Variants in LCLAT1 observed in about 807,000 individuals in gnomAD.
LCLAT1 encodes the protein lysocardiolipin acyltransferase 1, also known as 1-AGP acyltransferase 8.
LCLAT1 carries 11 observed loss-of-function variants against 30.7 expected under a neutral mutation model. The observed-to-expected ratio is 0.36, with a 90% CI of 0.23 to 0.59. The LOEUF (loss-of-function observed/expected upper bound fraction) is 0.59, where lower values mean the gene tolerates loss of function less well. Ranked by LOEUF, LCLAT1 falls within the 20% of genes least tolerant of loss-of-function variation. The pLI is 0.77. For missense variants in LCLAT1, 402 were observed against 458.6 expected (o/e 0.88, Z 1.13); for synonymous variants, 155 against 151.3 (o/e 1.02, Z -0.18).
At chr2:30,616,900 T>G (rs1008107638) in intron 5 of LCLAT1, among the ~76,000 whole-genome samples, 3 of 152,172 alleles carry the variant, frequency 2.0e-5, no homozygotes, top group East Asian at 3.8e-4. Context: ...AATAATGTTT[T>G]CTAACATTTT....
At chr2:30,604,778 T>C (rs929862345) in intron 5 of LCLAT1, among the ~76,000 whole-genome samples, 2 of 152,112 alleles carry the variant, frequency 1.3e-5, no homozygotes, top group South Asian at 2.1e-4. Flanking sequence ...ATTTGAAGGA[T>C]TGTTATCCAC....
At chr2:30,480,401 C>G (rs1159815872) in intron 1 of LCLAT1, among the ~76,000 whole-genome samples, 1 of 152,014 alleles carries the variant, frequency 6.6e-6, no homozygotes, top group East Asian at 1.9e-4. Flanking sequence ...TGCCATGTTA[C>G]CCAGGCTGGT....
intron 1 of LCLAT1, among the ~76,000 whole-genome samples, chr2:30,521,456 A>C (rs1685462017): frequency 6.8e-6 from 1 of 146,964 alleles, no homozygotes; most frequent in East Asian, 2.0e-4. Flanking sequence ...TAACTAGGAA[A>C]TAGAACAGTT....
At chr2:30,592,910 T>C (rs1210290220) in intron 5 of LCLAT1, among the ~76,000 whole-genome samples, 2 of 152,242 alleles carry the variant, frequency 1.3e-5, no homozygotes, top group South Asian at 2.1e-4. Flanking sequence ...AACATTTATC[T>C]TTTCACATTA....
At chr2:30,602,747 T>A (rs1667246515) in intron 5 of LCLAT1, among the ~76,000 whole-genome samples, 1 of 152,182 alleles carries the variant, frequency 6.6e-6, no homozygotes, top group East Asian at 1.9e-4. Flanking sequence ...GTGTAAAGTT[T>A]AAGCATCATG....
chr2:30,572,165 A>C (rs975459537), intron 5 of LCLAT1, among the ~76,000 whole-genome samples: 1 of 152,182 alleles, frequency 6.6e-6, no homozygotes, highest in Non-Finnish European at 1.5e-5. Flanking sequence ...TGTTCCTTTT[A>C]GTCACTGCCC....
chr2:30,596,623 C>G (rs1666941180), intron 5 of LCLAT1, among the ~76,000 whole-genome samples: 1 of 151,726 alleles, frequency 6.6e-6, no homozygotes, highest in Non-Finnish European at 1.5e-5. Flanking sequence ...GTTTCTTTTC[C>G]TGTGCTGAAG....
At chr2:30,625,297 T>C (rs1668450496) in intron 5 of LCLAT1, among the ~76,000 whole-genome samples, 1 of 152,164 alleles carries the variant, frequency 6.6e-6, no homozygotes, top group South Asian at 2.1e-4. Context: ...AACAAAAAGC[T>C]GGCTGTTTGC....
chr2:30,573,812 C>T (rs1665884567), intron 5 of LCLAT1, among the ~76,000 whole-genome samples: 1 of 152,138 alleles, frequency 6.6e-6, no homozygotes, highest in African/African-American at 2.4e-5. Context: ...AGCACAGGGC[C>T]TGGCAAATAA....
intron 3 of LCLAT1, among the ~76,000 whole-genome samples, chr2:30,559,978 T>G: frequency 6.6e-6 from 1 of 152,232 alleles, no homozygotes; most frequent in Non-Finnish European, 1.5e-5. Context: ...ACTGTTGCAT[T>G]GTGCTCATTT....
intron 3 of LCLAT1, among the ~76,000 whole-genome samples, chr2:30,546,675 T>A (rs541946391): frequency 1.3e-5 from 2 of 152,310 alleles, no homozygotes; most frequent in South Asian, 4.1e-4. Flanking sequence ...TACTATCACA[T>A]GTTAGCCACA....
intron 5 of LCLAT1, among the ~76,000 whole-genome samples, chr2:30,632,672 A>G (rs1033897984): frequency 2.0e-5 from 3 of 152,230 alleles, no homozygotes; most frequent in Non-Finnish European, 2.9e-5. Context: ...TGTGAAGAGT[A>G]TGTGCCCAAC....
At chr2:30,556,656 A>G (rs1310902719) in intron 3 of LCLAT1, among the ~76,000 whole-genome samples, 2 of 152,222 alleles carry the variant, frequency 1.3e-5, no homozygotes, top group African/African-American at 2.4e-5. Context: ...CAGTGCTATT[A>G]AAGTATGATT....
At chr2:30,515,703 T>G (rs1044755899) in intron 1 of LCLAT1, among the ~76,000 whole-genome samples, 1 of 152,204 alleles carries the variant, frequency 6.6e-6, no homozygotes, top group Non-Finnish European at 1.5e-5. Context: ...GCACTTAGTT[T>G]TCAAATGTCT....
At chr2:30,511,985 T>C (rs1334642106) in intron 1 of LCLAT1, among the ~76,000 whole-genome samples, 1 of 152,256 alleles carries the variant, frequency 6.6e-6, no homozygotes, top group Non-Finnish European at 1.5e-5. Context: ...AACTTTTTCC[T>C]CTGCTGGCTT....
intron 5 of LCLAT1, among the ~76,000 whole-genome samples, chr2:30,625,638 T>TTATATTGGGGCATATTTTTA (rs1311339110): frequency 1.3e-5 from 2 of 152,196 alleles, no homozygotes; most frequent in Non-Finnish European, 2.9e-5. Flanking sequence ...ACATTAGACT[T>TTATATTGGGGCATATTTTTA]TATATTGGGG....
rs578247796 is a variant in LCLAT1, at chr2:30,641,768, A to G, written c.*1149A>G. The G allele has an allele frequency of 6.6e-6, 1 of 152,284 alleles. No individual in the cohort carries two copies. Among genetic ancestry groups the G allele is most frequent in the South Asian group, 2.1e-4 (1 of 4,822 alleles). The allele number at this position is 152,284 out of a possible 1,614,324, so 9.4% of individuals were successfully genotyped here. On this transcript the variant is annotated 3_prime_UTR_variant, in exon 6 of 6. Transcript: ENST00000379509. Reference sequence around the variant, plus strand: ...TAATATTTAAACCCACTTTTGACCAATTGTTTGCCCAAATATTCTTGTCAT... The same window carrying G: ...TAATATTTAAACCCACTTTTGACCAGTTGTTTGCCCAAATATTCTTGTCAT...
In LCLAT1 at chr2:30,554,977, A is replaced by G. The variant is rs1664851248; in HGVS notation, c.365-7169A>G. Among the ~76,000 whole-genome samples, 4 of 116,404 alleles carry G rather than the reference A, an allele frequency of 3.4e-5. No individual in the cohort carries two copies. In the South Asian group the frequency reaches 1.4e-3, roughly 40 times the overall value. 76.4% of individuals were successfully genotyped at this position (116,404 alleles called of 152,430 possible). The stretch of plus-strand genomic sequence containing the variant: ...AGAAGGAATGTTTTCTATATTAAAG[A>G]AAGATTCAAATATTGGAAGAGTTTA... On this transcript the variant is annotated intron_variant, in intron 3 of 5. Coordinates refer to ENST00000379509, the MANE Select transcript of LCLAT1 (RefSeq NM_001002257.3).
At position 30,459,081 on chromosome 2, in the gene LCLAT1, G is replaced by T. The variant is rs75090273; in HGVS notation, c.-5+11698G>T. Among the ~76,000 whole-genome samples, 1,433 of 152,284 alleles carry T rather than the reference G, an allele frequency of 9.4e-3. 21 individuals carry two copies. Among genetic ancestry groups the T allele is most frequent in the African/African-American group, 0.032 (1,339 of 41,540 alleles). On this transcript the variant is annotated intron_variant, in intron 1 of 5. Coordinates refer to ENST00000379509, the MANE Select transcript of LCLAT1 (RefSeq NM_001002257.3). ...TCAGGATCCAGGAAATGAGCAGCAT[G>T]TGGTCATGCTTGCTTTCCTTCTTTA...
Sources: allele counts gnomAD v4.1 joint callset (sites outside exome capture counted in the v4.1 genomes callset), GRCh38; gene constraint gnomAD v4.1.1; transcripts MANE v1.5; gene names NCBI Gene and HGNC (gene_info 2026-07-23, HGNC 2026-07-21).